The following SLC44A5 variants were observed in gnomAD, a reference collection of about 807,000 sequenced individuals.
SLC44A5 encodes the protein choline transporter-like protein 5.
SLC44A5 carries 57 observed loss-of-function variants against 101.8 expected under a neutral mutation model. The ratio of observed to expected loss-of-function variants is 0.56; its 90% CI spans 0.45 to 0.70. SLC44A5 has a LOEUF of 0.70. SLC44A5 is among the 30% of genes least tolerant of loss of function. The pLI is 0.00. For missense variants in SLC44A5, 737 were observed against 853.1 expected (o/e 0.86, Z 1.70); for synonymous variants, 281 against 290.9 (o/e 0.97, Z 0.35).
the SLC44A5 span, among the ~76,000 whole-genome samples, chr1:75,666,758 C>T: frequency 6.6e-6 from 1 of 152,186 alleles, no homozygotes; most frequent in South Asian, 2.1e-4. Flanking sequence ...CAGCTTCATA[C>T]CTGGCATGCA....
At chr1:75,638,049 T>G in the SLC44A5 span, among the ~76,000 whole-genome samples, 1 of 152,188 alleles carries the variant, frequency 6.6e-6, no homozygotes, top group East Asian at 1.9e-4. Context: ...CTTCTTAAAA[T>G]ATTTATTATA....
At chr1:75,703,550 T>C in the SLC44A5 span, among the ~76,000 whole-genome samples, 1 of 151,946 alleles carries the variant, frequency 6.6e-6, no homozygotes, top group African/African-American at 2.4e-5. Flanking sequence ...TTAGGAGATA[T>C]ACCTAATGTT....
At chr1:75,547,545 G>C (rs2101970759) in intron 1 of SLC44A5, among the ~76,000 whole-genome samples, 1 of 152,270 alleles carries the variant, frequency 6.6e-6, no homozygotes, top group Middle Eastern at 3.4e-3. Context: ...AAAGTGTCCT[G>C]GTCAAGAGAG....
At chr1:75,664,973 G>A in the SLC44A5 span, among the ~76,000 whole-genome samples, 1 of 149,982 alleles carries the variant, frequency 6.7e-6, no homozygotes, top group African/African-American at 2.4e-5. Context: ...CAGAAAAATG[G>A]AAAAACATTA....
intron 3 of SLC44A5, among the ~76,000 whole-genome samples, chr1:75,384,121 A>G (rs1003942891): frequency 3.9e-5 from 6 of 152,080 alleles, no homozygotes; most frequent in Admixed American, 2.0e-4. Context: ...TGTAAAGACC[A>G]TCTAGACTAG....
chr1:75,322,629 G>T (rs1035154455), intron 4 of SLC44A5, among the ~76,000 whole-genome samples: 1 of 152,158 alleles, frequency 6.6e-6, no homozygotes, highest in African/African-American at 2.4e-5. Flanking sequence ...TTTAGAACCA[G>T]TCTCAACTTC....
the SLC44A5 span, among the ~76,000 whole-genome samples, chr1:75,651,718 A>G: frequency 6.6e-6 from 1 of 151,212 alleles, no homozygotes; most frequent in African/African-American, 2.4e-5. Context: ...AAAAAAAAAA[A>G]ATCCAATACT....
At chr1:75,375,332 A>G (rs1011599354) in intron 3 of SLC44A5, among the ~76,000 whole-genome samples, 4 of 152,214 alleles carry the variant, frequency 2.6e-5, no homozygotes, top group Admixed American at 6.5e-5. Context: ...TTAAAAATAG[A>G]CAAACCCTCT....
chr1:75,644,586 T>C, the SLC44A5 span, among the ~76,000 whole-genome samples: 1 of 151,542 alleles, frequency 6.6e-6, no homozygotes. Flanking sequence ...AAAATACAAA[T>C]TAACAACAAA....
At chr1:75,609,475 C>T (rs1675525836) in intron 1 of SLC44A5, among the ~76,000 whole-genome samples, 2 of 151,986 alleles carry the variant, frequency 1.3e-5, no homozygotes, top group South Asian at 2.1e-4. Flanking sequence ...TTTTAAGAAA[C>T]TTTCTATCTT....
intron 5 of SLC44A5, among the ~76,000 whole-genome samples, chr1:75,298,163 T>C (rs767133263): frequency 6.6e-5 from 10 of 152,190 alleles, no homozygotes; most frequent in Non-Finnish European, 1.5e-4. Context: ...TAAAAAATCC[T>C]TAACACTTCT....
chr1:75,404,572 C>T (rs963942166), intron 2 of SLC44A5, among the ~76,000 whole-genome samples: 6 of 152,090 alleles, frequency 3.9e-5, no homozygotes, highest in African/African-American at 1.4e-4. Context: ...AATTTTCAAC[C>T]CAGAATTTAA....
In SLC44A5 at chr1:75,411,292, C is replaced by T. The variant is rs192956025; in HGVS notation, c.14-14671G>A. On this transcript the variant is annotated intron_variant, in intron 2 of 23. Coordinates refer to ENST00000370859, the MANE Select transcript of SLC44A5 (RefSeq NM_001130058.2). ...GAGGCAGGAAAAGCTAAATATGCCC[C>T]ATGAAGTAGGCTATGCAAATTTGTC... Among the ~76,000 whole-genome samples the T allele has an allele frequency of 2.0e-3, 301 of 152,116 alleles. 1 individual carries two copies. Among genetic ancestry groups the T allele is most frequent in the Non-Finnish European group, 1.4e-3 (98 of 67,976 alleles).
chr1:75,504,968 T>C (rs1428396921), intron 2 of SLC44A5, among the ~76,000 whole-genome samples: 1 of 152,094 alleles, frequency 6.6e-6, no homozygotes, highest in Non-Finnish European at 1.5e-5. Context: ...CAGTACCCAA[T>C]AGAGTGGTTT....
chr1:75,423,660 G>A (rs1664142397), intron 2 of SLC44A5, among the ~76,000 whole-genome samples: 1 of 152,160 alleles, frequency 6.6e-6, no homozygotes, highest in Non-Finnish European at 1.5e-5. Flanking sequence ...TGCGTCTTTT[G>A]GAAATTGCGA....
At chr1:75,579,826 T>TACACACACACACACACACAC (rs6143284) in intron 1 of SLC44A5, among the ~76,000 whole-genome samples, 9,071 of 149,950 alleles carry the variant, frequency 0.06, 451 homozygotes, top group East Asian at 0.29. Context: ...TTCAACTATC[T>TACACACACACACACACACAC]ACACACACAC....
chr1:75,506,014 C>T (rs774560405), intron 2 of SLC44A5, among the ~76,000 whole-genome samples: 32 of 152,002 alleles, frequency 2.1e-4, no homozygotes, highest in Non-Finnish European at 4.0e-4. Flanking sequence ...ATCCATCTCA[C>T]ATTAATTTTT....
rs183501789 is a variant in SLC44A5 at position 75,237,109 on chromosome 1, T to G, written c.657-39A>C. 428 of 1,229,296 alleles carry G rather than the reference T, an allele frequency of 3.5e-4. 1 individual carries two copies. The African/African-American group carries it at 5.5e-3, about 16-fold the overall frequency. The allele number at this position is 1,229,296 out of a possible 1,614,324, so 76.1% of individuals were successfully genotyped here. Reference sequence around the variant, plus strand: ...AGGGAAAAAATCAATTATTTTTTGATGACCACTAAACAGAAATGTTCTTTT... The same window carrying G: ...AGGGAAAAAATCAATTATTTTTTGAGGACCACTAAACAGAAATGTTCTTTT... On this transcript the variant is annotated intron_variant, in intron 10 of 23. Coordinates refer to ENST00000370859, the MANE Select transcript of SLC44A5 (RefSeq NM_001130058.2).
chr1:75,613,670 A>C (rs374997637), upstream of SLC44A5, among the ~76,000 whole-genome samples: 3 of 152,374 alleles, frequency 2.0e-5, no homozygotes, highest in African/African-American at 7.2e-5. Flanking sequence ...AAAGTACTAC[A>C]TAAAATTTAT....
Sources: gnomAD v4.1 joint callset for allele counts (sites outside exome capture counted in the v4.1 genomes callset) on GRCh38, gnomAD v4.1.1 for gene constraint, MANE v1.5 for transcripts, NCBI Gene and HGNC (gene_info 2026-07-23, HGNC 2026-07-21) for gene names.